The following PSMD7 variants were observed in gnomAD, a reference collection of about 807,000 sequenced individuals.
PSMD7 encodes the protein 26S proteasome non-ATPase regulatory subunit 7.
A neutral mutation model predicts 36.4 loss-of-function variants in PSMD7; 13 were observed. That is an observed-to-expected ratio of 0.36 (90% CI 0.23 to 0.57). PSMD7 has a LOEUF of 0.57. Among genes scored for constraint, PSMD7 ranks in the 20% least tolerant of loss-of-function variants. PSMD7 has a pLI of 0.83. For synonymous variants in PSMD7, 186 were observed against 151.0 expected (o/e 1.23, Z -1.70); for missense variants, 298 against 393.6 (o/e 0.76, Z 2.06).
At position 74,305,422 on chromosome 16, in the gene PSMD7, A is replaced by G. The variant is rs147477445; in HGVS notation, c.664A>G (p.Ile222Val). The G allele has an allele frequency of 2.3e-4, 375 of 1,614,212 alleles. No individual in the cohort carries two copies. The highest frequency in any genetic ancestry group is 3.6e-4 in the East Asian group (16 of 44,874). Residue 222 changes from isoleucine to valine, a missense_variant, in exon 7 of 7, where the codon ATC becomes GTC. By Grantham distance (29) the Ile-to-Val change is conservative. Coordinates refer to ENST00000219313, the MANE Select transcript of PSMD7 (RefSeq NM_002811.5). ...AAAAGTCGCCACAGGCAAGCTGCCC[A>G]TCAACCACCAGATCATCTACCAGCT... ...LEKVATGKLP[I>V]NHQIIYQLQD... is the part of the protein sequence containing the mutation.
chr16:74,296,957 G>C lies in PSMD7; in HGVS notation c.43G>C (p.Val15Leu). 7 of 1,613,210 alleles carry C rather than the reference G, an allele frequency of 4.3e-6. No individual in the cohort carries two copies. The highest frequency in any genetic ancestry group is 5.9e-6 in the Non-Finnish European group (7 of 1,179,816). ...GCAGAAGGTGGTGGTCCACCCCCTG[G>C]TGCTGCTCAGTGTGGTGGATCATTT... ...AVQKVVVHPL[V>L]LLSVVDHFNR... Residue 15 changes from valine to leucine, a missense_variant, in exon 1 of 7, where the codon GTG becomes CTG. By Grantham distance (32) the Val-to-Leu change is conservative. Coordinates refer to ENST00000219313, the MANE Select transcript of PSMD7 (RefSeq NM_002811.5).
At chr16:74,305,081 G>A in intron 6 of PSMD7, 1 of 658,482 alleles carries the variant, frequency 1.5e-6, no homozygotes, top group East Asian at 3.1e-5. Context: ...AAAATGTCCT[G>A]TGATGAGAAA....
At chr16:74,303,280 G>A (rs1040285469) in intron 5 of PSMD7, among the ~76,000 whole-genome samples, 1 of 152,136 alleles carries the variant, frequency 6.6e-6, no homozygotes, top group Non-Finnish European at 1.5e-5. Flanking sequence ...AAATAATCAC[G>A]GCTAACTTTT....
At chr16:74,302,827 C>G (rs777729763) in intron 5 of PSMD7, among the ~76,000 whole-genome samples, 7 of 152,170 alleles carry the variant, frequency 4.6e-5, no homozygotes, top group Non-Finnish European at 1.0e-4. Context: ...TTTAGATATG[C>G]AGTATTTATC....
chr16:74,305,221 A>C (rs1252219865), intron 6 of PSMD7, 68 bp from the exon 7 acceptor site: 1 of 1,482,658 alleles, frequency 6.7e-7, no homozygotes, highest in Non-Finnish European at 8.9e-7. Flanking sequence ...CTTAGAATGT[A>C]AGAACTTGCC....
At chr16:74,303,652 A>AAAG (rs1406064070) in intron 5 of PSMD7, among the ~76,000 whole-genome samples, 1 of 152,208 alleles carries the variant, frequency 6.6e-6, no homozygotes, top group Non-Finnish European at 1.5e-5. Context: ...AAAAGGGCTA[A>AAAG]AAGTTTTATT....
In PSMD7 at chr16:74,305,338, C is replaced by T; in HGVS notation, c.580C>T (p.Gln194Ter). ...CACTCTGTCCCAGCGGATCACAAACCAGGTCCATGGTTTGAAGGGACTGAA... is the reference window on the plus strand; with the variant it reads ...CACTCTGTCCCAGCGGATCACAAACTAGGTCCATGGTTTGAAGGGACTGAA... ...VGTLSQRITN[Q>*]VHGLKGLNSK... Residue 194 changes from glutamine to a stop codon, truncating the protein, a stop_gained, in exon 7 of 7, where the codon CAG becomes TAG. Coordinates refer to ENST00000219313, the MANE Select transcript of PSMD7 (RefSeq NM_002811.5). LOFTEE classifies it high-confidence loss of function. The T allele has an allele frequency of 1.2e-6, 2 of 1,614,016 alleles. No homozygotes were observed. Among genetic ancestry groups the T allele is most frequent in the Non-Finnish European group, 1.7e-6 (2 of 1,179,992 alleles).
intron 3 of PSMD7, 44 bp from the exon 4 acceptor site, chr16:74,301,511 T>C (rs752727724): frequency 7.1e-7 from 1 of 1,400,986 alleles, no homozygotes; most frequent in Non-Finnish European, 1.0e-6. Flanking sequence ...GTTGTATAGA[T>C]CTTCATGAAA....
chr16:74,300,058 T>TA lies in PSMD7; in HGVS notation c.75-57_75-56insA. On this transcript the variant is annotated intron_variant, in intron 1 of 6. Coordinates refer to ENST00000219313, the MANE Select transcript of PSMD7 (RefSeq NM_002811.5). ...ATATTTCCCATTGAGTATCTTATTG[T>TA]TGGGTTCATGTTTCTGTGCGAGCCT... 2.8e-6 allele frequency: 4 copies of TA among 1,424,766 alleles called. No homozygotes were observed. The South Asian group carries it at 4.6e-5, about 16-fold the overall frequency. 88.3% of individuals were successfully genotyped at this position (1,424,766 alleles called of 1,614,324 possible).
rs1052601674 is a variant in PSMD7, at chr16:74,301,474, A to G, written c.260-81A>G. On this transcript the variant is annotated intron_variant, in intron 3 of 6. Coordinates refer to ENST00000219313, the MANE Select transcript of PSMD7 (RefSeq NM_002811.5). ...TTTCAAAGAGGTAAAGGACATAACTACTGATGTTCTTATCCTTTTTGAGGG... is the reference window on the plus strand; with the variant it reads ...TTTCAAAGAGGTAAAGGACATAACTGCTGATGTTCTTATCCTTTTTGAGGG... 23 of 1,048,790 alleles carry G rather than the reference A, an allele frequency of 2.2e-5. No homozygotes were observed. In the African/African-American group the frequency reaches 3.3e-4, roughly 15 times the overall value. 65.0% of individuals were successfully genotyped at this position (1,048,790 alleles called of 1,614,324 possible).
chr16:74,297,958 C>CAA (rs376866101), intron 1 of PSMD7, among the ~76,000 whole-genome samples: 3 of 143,812 alleles, frequency 2.1e-5, no homozygotes, highest in African/African-American at 5.1e-5. Context: ...GACTCCGTCT[C>CAA]AAAAAAAAAA....
In PSMD7 at chr16:74,304,507, T is replaced by TAACA. The variant is rs944584171; in HGVS notation, c.530+115_530+118dup. The TAACA allele has an allele frequency of 3.3e-5, 28 of 839,592 alleles. No individual in the cohort carries two copies. In the African/African-American group the frequency reaches 3.6e-4, roughly 11 times the overall value. 52.0% of individuals were successfully genotyped at this position (839,592 alleles called of 1,614,324 possible). A position where few individuals can be genotyped will look rare whatever the true frequency, so the allele number is the denominator to read the frequency against. ...CTGGGGTCTCGTCCTGGCCGTCCAC[T>TAACA]AACAAGTCTGCCATTCTGAGCAAAT... On this transcript the variant is annotated intron_variant, in intron 6 of 6. Coordinates refer to ENST00000219313, the MANE Select transcript of PSMD7 (RefSeq NM_002811.5).
At position 74,305,733 on chromosome 16, in the gene PSMD7, A is replaced by G. The variant is rs1342126818; in HGVS notation, c.975A>G (p.Ter325=). The change falls in exon 7 of 7, where the codon TAA becomes TAG. Residue 325 remains the stop codon, a stop_retained_variant. Transcript: ENST00000219313. ...VKKEEKKEKK[*] ...AAGAGGAGAAAAAGGAGAAAAAGTA[A>G]AACATGTATTAAATAGCTTTTTTAA... 2.1e-6 allele frequency: 3 copies of G among 1,423,510 alleles called. No individual in the cohort carries two copies. The highest frequency in any genetic ancestry group is 2.8e-6 in the Non-Finnish European group (3 of 1,082,420). The allele number at this position is 1,423,510 out of a possible 1,614,324, so 88.2% of individuals were successfully genotyped here. A position where few individuals can be genotyped will look rare whatever the true frequency, so the allele number is the denominator to read the frequency against.
chr16:74,299,405 G>T (rs1266082514), intron 1 of PSMD7, among the ~76,000 whole-genome samples: 4 of 152,208 alleles, frequency 2.6e-5, no homozygotes, highest in South Asian at 4.1e-4. Flanking sequence ...TTGAGACAGG[G>T]TCTGCCGAGG....
Position 74,305,804 on chromosome 16 carries a change from G to A in PSMD7, c.*71G>A, listed in dbSNP as rs1245961261. On this transcript the variant is annotated 3_prime_UTR_variant, in exon 7 of 7. Coordinates refer to ENST00000219313, the MANE Select transcript of PSMD7 (RefSeq NM_002811.5). ...AAACTAAATCAGTGTGCTGCTAGAG[G>A]GTTCTTTTTCACTTGACATGCTTAT... The A allele has an allele frequency of 1.5e-6, 2 of 1,369,768 alleles. No individual in the cohort carries two copies. The highest frequency in any genetic ancestry group is 1.9e-6 in the Non-Finnish European group (2 of 1,064,486). 84.9% of individuals were successfully genotyped at this position (1,369,768 alleles called of 1,614,324 possible). A position where few individuals can be genotyped will look rare whatever the true frequency, so the allele number is the denominator to read the frequency against.
intron 4 of PSMD7, 28 bp downstream of exon 4, chr16:74,301,680 T>G (rs2034156412): frequency 6.3e-7 from 1 of 1,578,378 alleles, no homozygotes; most frequent in Non-Finnish European, 8.7e-7. Flanking sequence ...TTAAAACTCT[T>G]GAATGATTTT....
At chr16:74,301,198 G>C (rs1223067817) in intron 3 of PSMD7, 54 bp downstream of exon 3, 1 of 1,240,262 alleles carries the variant, frequency 8.1e-7, no homozygotes, top group East Asian at 2.3e-5. Context: ...GTGTGTATGG[G>C]GGTCTTCTGT....
At chr16:74,302,151 C>G in intron 4 of PSMD7, 61 bp from the exon 5 acceptor site, 2 of 1,335,376 alleles carry the variant, frequency 1.5e-6, no homozygotes, top group Non-Finnish European at 2.1e-6. Flanking sequence ...AGAAGAATGC[C>G]TGAAATTACC....
At position 74,306,071 on chromosome 16, in the gene PSMD7, A is replaced by C. The variant is rs1307775321; in HGVS notation, c.*338A>C. 8.3e-5 allele frequency: 15 copies of C among 181,400 alleles called. No homozygotes were observed. In the East Asian group the frequency reaches 1.6e-3, roughly 20 times the overall value. 11.2% of individuals were successfully genotyped at this position (181,400 alleles called of 1,614,324 possible). A position where few individuals can be genotyped will look rare whatever the true frequency, so the allele number is the denominator to read the frequency against. On this transcript the variant is annotated 3_prime_UTR_variant, in exon 7 of 7. Coordinates refer to ENST00000219313, the MANE Select transcript of PSMD7 (RefSeq NM_002811.5). The stretch of plus-strand genomic sequence containing the variant: ...AGTTGAATTTTCCTCATCTTGAAAG[A>C]CTCTTGGGGTCTGTTTCTGGTATTT...
Sources: allele counts gnomAD v4.1 joint callset (sites outside exome capture counted in the v4.1 genomes callset), GRCh38; gene constraint gnomAD v4.1.1; transcripts MANE v1.5; gene names NCBI Gene and HGNC (gene_info 2026-07-23, HGNC 2026-07-21).